The following KANSL3 variants were observed in gnomAD, a reference collection of about 807,000 sequenced individuals.
KANSL3 encodes KAT8 regulatory NSL complex subunit 3, also known as NSL complex protein NSL3.
KANSL3 carries 16 observed loss-of-function variants against 89.2 expected under a neutral mutation model. The ratio of observed to expected loss-of-function variants is 0.18; its 90% confidence interval spans 0.12 to 0.27. KANSL3 has a LOEUF of 0.27. KANSL3 is among the 10% of genes least tolerant of loss of function. KANSL3 has a pLI of 1.00. For synonymous variants in KANSL3, 385 were observed against 419.7 expected (o/e 0.92, Z 1.01); for missense variants, 879 against 1,110.6 (o/e 0.79, Z 2.96).
chr2:96,632,446 G>A (rs1287961093), intron 2 of KANSL3, among the ~76,000 whole-genome samples: 2 of 151,648 alleles, frequency 1.3e-5, no homozygotes, highest in African/African-American at 2.4e-5. Context: ...TGGGTGACAC[G>A]GCAAGACCCA....
chr2:96,637,596 C>T (rs1160686377), intron 1 of KANSL3, among the ~76,000 whole-genome samples: 1 of 152,178 alleles, frequency 6.6e-6, no homozygotes, highest in African/African-American at 2.4e-5. Context: ...CATCCTCTAA[C>T]GACAATGCGA....
At chr2:96,637,777 G>T (rs1474237735) in intron 1 of KANSL3, among the ~76,000 whole-genome samples, 1 of 152,152 alleles carries the variant, frequency 6.6e-6, no homozygotes, top group Non-Finnish European at 1.5e-5. Flanking sequence ...ACATAAAAAT[G>T]AAAACTGCCC....
At position 96,602,248 on chromosome 2, in the gene KANSL3, T is replaced by C. The variant is rs753394636; in HGVS notation, c.2350A>G (p.Thr784Ala). 6.2e-7 allele frequency: 1 copy of C among 1,612,104 alleles called. No individual in the cohort carries two copies. The highest frequency in any genetic ancestry group is 1.1e-5 in the South Asian group (1 of 90,422). ...GTGGCACCCAAGGAGGAGAGAGTGG[T>C]GGCCACAGGAATGGTACGGACAATG... ...STIVRTIPVA[T>A]TLSSLGATPG... is the part of the protein sequence containing the mutation. The change falls in exon 19 of 21, where the codon ACC (threonine) becomes GCC (alanine). Residue 784 changes from threonine to alanine, a missense_variant. By Grantham distance (58) the Thr-to-Ala change is moderately conservative (BLOSUM62 0). Coordinates refer to ENST00000431828, the MANE Select transcript of KANSL3 (RefSeq NM_001115016.3).
intron 3 of KANSL3, among the ~76,000 whole-genome samples, chr2:96,626,094 A>G (rs1426750665): frequency 6.6e-6 from 1 of 152,204 alleles, no homozygotes; most frequent in Non-Finnish European, 1.5e-5. Context: ...CCTCTGGCTC[A>G]TTCTATTCAA....
In KANSL3 at chr2:96,601,647, G is replaced by A; in HGVS notation, c.2612C>T (p.Ser871Leu). Residue 871 changes from serine (S) to leucine (L), a missense_variant, in exon 20 of 21, where the codon TCA (serine) becomes TTA (leucine). Ser to Leu is a moderately radical substitution (Grantham distance 145). Coordinates refer to ENST00000431828, the MANE Select transcript of KANSL3 (RefSeq NM_001115016.3). ...AGTCCTTCCTGGCAGACTCACCTGTGAGCTGGAGGGCAGCACCTGGGAAGA... is the reference window on the plus strand; with the variant it reads ...AGTCCTTCCTGGCAGACTCACCTGTAAGCTGGAGGGCAGCACCTGGGAAGA... ...ESSSQVLPSS[S>L]QRLPPAP The A allele has an allele frequency of 6.2e-7, 1 of 1,613,538 alleles. No individual in the cohort carries two copies. The highest frequency in any genetic ancestry group is 1.1e-5 in the South Asian group (1 of 91,000).
chr2:96,625,573 T>C (rs1258860998), intron 3 of KANSL3, among the ~76,000 whole-genome samples: 1 of 152,228 alleles, frequency 6.6e-6, no homozygotes, highest in Non-Finnish European at 1.5e-5. Context: ...TCCAAAATTA[T>C]GGGAGTAAGG....
chr2:96,618,917 G>A (rs530612279), intron 5 of KANSL3, among the ~76,000 whole-genome samples: 2 of 152,348 alleles, frequency 1.3e-5, no homozygotes, highest in East Asian at 3.9e-4. Flanking sequence ...TCTAAGTGTT[G>A]CTACTAAAGG....
intron 5 of KANSL3, among the ~76,000 whole-genome samples, chr2:96,617,867 T>G (rs1032137997): frequency 6.6e-6 from 1 of 151,624 alleles, no homozygotes; most frequent in African/African-American, 2.4e-5. Context: ...ACGCCTGTAG[T>G]CTCAGCTACT....
intron 14 of KANSL3, chr2:96,605,713 T>TGCCCTTCTTAGAGGATGGC: frequency 2.4e-6 from 1 of 415,906 alleles, no homozygotes; most frequent in Non-Finnish European, 4.4e-6. Flanking sequence ...GACCCCACTT[T>TGCCCTTCTTAGAGGATGGC]GCCCTTCTTA....
intron 20 of KANSL3, among the ~76,000 whole-genome samples, chr2:96,597,543 T>G (rs1267403520): frequency 6.6e-6 from 1 of 152,236 alleles, no homozygotes; most frequent in African/African-American, 2.4e-5. Context: ...TCCCCTTGCT[T>G]GTTGGAAAAG....
intron 3 of KANSL3, among the ~76,000 whole-genome samples, chr2:96,621,693 T>C (rs747211079): frequency 2.0e-5 from 3 of 150,844 alleles, no homozygotes; most frequent in Non-Finnish European, 1.5e-5. Flanking sequence ...CAAAACACAA[T>C]GGGAAAATGA....
At chr2:96,581,356 G>A in the KANSL3 span, among the ~76,000 whole-genome samples, 3 of 151,802 alleles carry the variant, frequency 2.0e-5, no homozygotes, top group Non-Finnish European at 4.4e-5. Context: ...CCCAGAAGGC[G>A]GAGGTTGCAG....
At chr2:96,636,825 A>C (rs182885081) in intron 2 of KANSL3, 96 bp downstream of exon 2, 604 of 1,055,056 alleles carry the variant, frequency 5.7e-4, no homozygotes, top group Non-Finnish European at 7.2e-4. Flanking sequence ...TGCCTCATAC[A>C]ATCTCCCCCA....
In KANSL3 at chr2:96,631,300, T is replaced by G. The variant is rs757589156; in HGVS notation, c.386+12A>C. ...TACAGGGCAGTGATCATCCTCCTGA[T>G]GAGCAGCCTACCTGTTGACATGCTC... On this transcript the variant is annotated intron_variant, in intron 3 of 20. Transcript: ENST00000431828. 6.3e-7 allele frequency: 1 copy of G among 1,586,392 alleles called. No individual in the cohort carries two copies. The highest frequency in any genetic ancestry group is 2.2e-5 in the East Asian group (1 of 44,766).
At chr2:96,633,096 G>A (rs1265452436) in intron 2 of KANSL3, among the ~76,000 whole-genome samples, 2 of 151,918 alleles carry the variant, frequency 1.3e-5, no homozygotes, top group Non-Finnish European at 2.9e-5. Flanking sequence ...TGGGCAACAT[G>A]GTGAAACCCC....
In KANSL3 at chr2:96,636,927, C is replaced by T; in HGVS notation, c.209G>A (p.Ser70Asn). The T allele has an allele frequency of 1.3e-6, 2 of 1,527,264 alleles. No homozygotes were observed. The allele number at this position is 1,527,264 out of a possible 1,614,324, so 94.6% of individuals were successfully genotyped here. The change falls in exon 2 of 21, where the codon AGT (serine) becomes AAT (asparagine). Residue 70 changes from serine to asparagine, a missense_variant. By Grantham distance (46) the Ser-to-Asn change is conservative. Coordinates refer to ENST00000431828, the MANE Select transcript of KANSL3 (RefSeq NM_001115016.3). ...LFVTPRRQHE[S>N]TIESDVPIDV... ...CTTAGAAGCCCCAACTCACATGGTA[C>T]TTTCGTGCTGCCGCCGGGGAGTGAC... is the stretch of plus-strand genomic sequence containing the variant.
chr2:96,634,884 C>T (rs891295182), intron 2 of KANSL3, among the ~76,000 whole-genome samples: 1 of 152,224 alleles, frequency 6.6e-6, no homozygotes, highest in East Asian at 1.9e-4. Flanking sequence ...TAACTCATGG[C>T]ACCACCCAAC....
chr2:96,614,023 T>C (rs147190349), intron 5 of KANSL3, among the ~76,000 whole-genome samples: 5 of 152,376 alleles, frequency 3.3e-5, no homozygotes, highest in Non-Finnish European at 7.3e-5. Flanking sequence ...TATATGTGCA[T>C]ATGTAAGGGA....
intron 2 of KANSL3, 36 bp downstream of exon 2, chr2:96,636,885 T>C: frequency 6.9e-7 from 1 of 1,451,596 alleles, no homozygotes; most frequent in Non-Finnish European, 9.2e-7. Flanking sequence ...CACTGCCCAG[T>C]GAGGTTACCA....
Sources: allele counts gnomAD v4.1 joint callset (sites outside exome capture counted in the v4.1 genomes callset), GRCh38; gene constraint gnomAD v4.1.1; transcripts MANE v1.5; gene names NCBI Gene and HGNC (gene_info 2026-07-23, HGNC 2026-07-21).